Variants in PAQR3 observed in about 807,000 individuals in gnomAD.
PAQR3 encodes progestin and adipoQ receptor family member 3, also known as Raf kinase trapping to Golgi.
Under a neutral mutation model 41.7 loss-of-function variants are expected in PAQR3, and 39 were observed. That is an observed-to-expected ratio of 0.93 (90% CI 0.72 to 1.22). PAQR3 has a LOEUF of 1.22. Among genes scored for constraint, PAQR3 ranks in the 50% most tolerant of loss-of-function variants. The pLI is 0.00. For synonymous variants in PAQR3, 140 were observed against 140.6 expected (o/e 1.00, Z 0.03); for missense variants, 366 against 385.6 (o/e 0.95, Z 0.42).
Position 78,894,067 on chromosome 4 carries a change from C to A in PAQR3, c.*837-5919G>T, listed in dbSNP as rs1241204969. On this transcript the variant is annotated intron_variant and NMD_transcript_variant, in intron 11 of 12. Coordinates refer to the PAQR3 transcript ENST00000342820. ...ATTTCAAGAGTGGGTTTCAAATAAT[C>A]AGTAAACTATGCTGGAAACAGATGT... Among the ~76,000 whole-genome samples the A allele has an allele frequency of 3.3e-5, 5 of 152,188 alleles. No homozygotes were observed. The East Asian group carries it at 5.8e-4, about 18-fold the overall frequency.
intron 2 of PAQR3, among the ~76,000 whole-genome samples, chr4:78,932,060 A>G (rs1328578780): frequency 6.6e-6 from 1 of 152,204 alleles, no homozygotes; most frequent in East Asian, 1.9e-4. Flanking sequence ...TACAAATGAT[A>G]AACATTTTGT....
chr4:78,927,228 G>A (rs1736332431), intron 3 of PAQR3, among the ~76,000 whole-genome samples: 1 of 152,186 alleles, frequency 6.6e-6, no homozygotes, highest in Non-Finnish European at 1.5e-5. Context: ...CTCAAGGAAA[G>A]AGAACAGCAA....
chr4:78,910,902 G>A, downstream of PAQR3: 1 of 1,613,950 alleles, frequency 6.2e-7, no homozygotes, highest in Non-Finnish European at 8.5e-7. Flanking sequence ...TGGGTCATAG[G>A]CCTCTCCTCA....
At chr4:78,935,008 T>C in intron 2 of PAQR3, 113 bp downstream of exon 2, 5 of 860,286 alleles carry the variant, frequency 5.8e-6, no homozygotes, top group Non-Finnish European at 9.1e-6. Flanking sequence ...CTGACCAACA[T>C]GCCATTCCGG....
rs569925087 is a variant in PAQR3 at position 78,915,149 on chromosome 4, C to G, written c.*5390G>C. ...TTTCCCTTACCCCAATCCCTGTGTA[C>G]GTGTTGGGTATAGTTACGACATTAT... is the stretch of plus-strand genomic sequence containing the variant. On this transcript the variant is annotated 3_prime_UTR_variant, in exon 6 of 6. Transcript: ENST00000512733. 1 of 151,944 alleles carries G rather than the reference C, an allele frequency of 6.6e-6. No homozygotes were observed. Among genetic ancestry groups the G allele is most frequent in the South Asian group, 2.1e-4 (1 of 4,830 alleles). 9.4% of individuals were successfully genotyped at this position (151,944 alleles called of 1,614,324 possible).
rs116357624 is a variant in PAQR3, at chr4:78,894,186, T to G, written c.*837-6038A>C. On this transcript the variant is annotated intron_variant and NMD_transcript_variant, in intron 11 of 12. Coordinates refer to the PAQR3 transcript ENST00000342820. ...GGCCTCGAAGTTTTGGAATGGCAAG[T>G]AAGCATTGGTTTCAACTTAAAGTCA... is the stretch of plus-strand genomic sequence containing the variant. 8.5e-3 allele frequency among the ~76,000 whole-genome samples: 1,294 copies of G among 152,334 alleles called. 8 individuals are homozygous for G. Among genetic ancestry groups the G allele is most frequent in the Non-Finnish European group, 0.012 (828 of 68,030 alleles).
chr4:78,900,482 G>T (rs1363577959), intron 11 of PAQR3, among the ~76,000 whole-genome samples: 1 of 152,122 alleles, frequency 6.6e-6, no homozygotes, highest in Non-Finnish European at 1.5e-5. Context: ...TAGCACAGAT[G>T]GAAAAATGAG....
downstream of PAQR3, among the ~76,000 whole-genome samples, chr4:78,908,412 C>T (rs1194413986): frequency 1.3e-5 from 2 of 152,164 alleles, no homozygotes; most frequent in Non-Finnish European, 2.9e-5. Flanking sequence ...TGTTTTCTTC[C>T]TCCTCTCTGG....
intron 11 of PAQR3, among the ~76,000 whole-genome samples, chr4:78,893,591 C>G (rs546766205): frequency 6.6e-6 from 1 of 152,110 alleles, no homozygotes; most frequent in African/African-American, 2.4e-5. Flanking sequence ...AAAAATGGGT[C>G]CTGCTTTGTC....
At chr4:78,899,833 A>AGTTT (rs1218093108) in intron 11 of PAQR3, among the ~76,000 whole-genome samples, 2 of 152,184 alleles carry the variant, frequency 1.3e-5, no homozygotes, top group Non-Finnish European at 2.9e-5. Context: ...TGAGAGTTGA[A>AGTTT]GAAGTTGAGA....
Position 78,918,879 on chromosome 4 carries a change from T to C in PAQR3, c.*1660A>G. The C allele has an allele frequency of 2.0e-6, 2 of 984,588 alleles. No homozygotes were observed. The highest frequency in any genetic ancestry group is 2.4e-6 in the Non-Finnish European group (2 of 829,334). The allele number at this position is 984,588 out of a possible 1,614,324, so 61.0% of individuals were successfully genotyped here. ...AATAAGGGATGTTCTAGGAGAAATA[T>C]ATCCTACTACTGTTGCACCAAAATC... On this transcript the variant is annotated 3_prime_UTR_variant, in exon 6 of 6. Coordinates refer to ENST00000512733, the MANE Select transcript of PAQR3 (RefSeq NM_001040202.2).
intron 11 of PAQR3, among the ~76,000 whole-genome samples, chr4:78,904,876 GAAAAT>G (rs1734207254): frequency 6.6e-6 from 1 of 151,792 alleles, no homozygotes; most frequent in Admixed American, 6.6e-5. Context: ...ACTAGGTTCT[GAAAAT>G]AAGATAGTTA....
chr4:78,924,476 C>A (rs762611579), intron 4 of PAQR3, among the ~76,000 whole-genome samples: 10 of 152,036 alleles, frequency 6.6e-5, no homozygotes, highest in Non-Finnish European at 1.0e-4. Context: ...TGGTTATAAA[C>A]CTAATTTAGC....
rs1421229774 is a variant in PAQR3 at position 78,919,879 on chromosome 4, T to C, written c.*660A>G. On this transcript the variant is annotated 3_prime_UTR_variant, in exon 6 of 6. Coordinates refer to ENST00000512733, the MANE Select transcript of PAQR3 (RefSeq NM_001040202.2). Reference sequence around the variant, plus strand: ...AGTTTCTAATGTGATTCTTATCTGATAGAAAATGAGAAGTTCTTTTCCTCT... The same window carrying C: ...AGTTTCTAATGTGATTCTTATCTGACAGAAAATGAGAAGTTCTTTTCCTCT... The C allele has an allele frequency of 5.1e-6, 5 of 985,352 alleles. No individual in the cohort carries two copies. In the East Asian group the frequency reaches 3.4e-4, roughly 67 times the overall value. 61.0% of individuals were successfully genotyped at this position (985,352 alleles called of 1,614,324 possible). A position where few individuals can be genotyped will look rare whatever the true frequency, so the allele number is the denominator to read the frequency against.
Position 78,939,172 on chromosome 4 carries a change from T to A in PAQR3, c.53A>T (p.Gln18Leu). The change falls in exon 1 of 6, where the codon CAG (glutamine) becomes CTG (leucine). Residue 18 changes from glutamine to leucine, a missense_variant. Physicochemically the swap from Gln to Leu is moderately radical, Grantham distance 113 (BLOSUM62 -2). Coordinates refer to ENST00000512733, the MANE Select transcript of PAQR3 (RefSeq NM_001040202.2). ...ACGGGGCACCAGGACCGGCCAGTAC[T>A]GGTAGCTGCCCAGCTCGATGTAATG... ...SAHYIELGSY[Q>L]YWPVLVPRGI... The A allele has an allele frequency of 1.2e-6, 2 of 1,612,308 alleles. No individual in the cohort carries two copies. The highest frequency in any genetic ancestry group is 1.7e-6 in the Non-Finnish European group (2 of 1,179,278).
At chr4:78,938,991 G>A (rs765171045) in intron 1 of PAQR3, 49 bp downstream of exon 1, 15 of 1,506,334 alleles carry the variant, frequency 1.0e-5, no homozygotes, top group Non-Finnish European at 1.4e-5. Flanking sequence ...GACAAAAAGG[G>A]TGTAGGTGAG....
At chr4:78,908,157 GA>G (rs1318635857), downstream of PAQR3, among the ~76,000 whole-genome samples, 3 of 152,248 alleles carry the variant, frequency 2.0e-5, no homozygotes, top group East Asian at 5.8e-4. Flanking sequence ...TGGTTTTAAG[GA>G]ACTGACAGAA....
Position 78,912,161 on chromosome 4 carries a change from T to A in PAQR3, c.*8378A>T. On this transcript the variant is annotated 3_prime_UTR_variant, in exon 6 of 6. Transcript: ENST00000512733. ...TAAAGATCAGTCAGAATAGGTGATT[T>A]CTAAATAAACCAAATAGAAGAATGA... 2.4e-6 allele frequency: 2 copies of A among 850,876 alleles called. No homozygotes were observed. The highest frequency in any genetic ancestry group is 3.7e-6 in the Non-Finnish European group (2 of 539,260). The allele number at this position is 850,876 out of a possible 1,614,324, so 52.7% of individuals were successfully genotyped here.
chr4:78,893,036 G>A (rs1733525616), intron 11 of PAQR3, among the ~76,000 whole-genome samples: 1 of 152,172 alleles, frequency 6.6e-6, no homozygotes, highest in Admixed American at 6.5e-5. Context: ...CTCTGTACAT[G>A]CAATGCTGTT....
Sources: allele counts gnomAD v4.1 joint callset (sites outside exome capture counted in the v4.1 genomes callset), GRCh38; gene constraint gnomAD v4.1.1; transcripts MANE v1.5; gene names NCBI Gene and HGNC (gene_info 2026-07-23, HGNC 2026-07-21).